Variants in RALGDS observed in about 807,000 individuals in gnomAD.
RALGDS encodes the protein ral guanine nucleotide exchange factor.
In RALGDS, 44 loss-of-function variants were observed where a neutral mutation model predicts 99.8. That is an observed-to-expected ratio of 0.44 (90% CI 0.35 to 0.57). The LOEUF (loss-of-function observed/expected upper bound fraction) is 0.57. Ranked by LOEUF, RALGDS falls within the 20% of genes least tolerant of loss-of-function variation. The probability of loss-of-function intolerance (pLI) is 0.01; values close to 1 mark genes in which losing one functional copy is unlikely to be tolerated. For synonymous variants in RALGDS, 529 were observed against 505.0 expected (o/e 1.05, Z -0.64); for missense variants, 1,022 against 1,203.1 (o/e 0.85, Z 2.23).
upstream of RALGDS, among the ~76,000 whole-genome samples, chr9:133,121,449 T>G (rs1588554336): frequency 1.3e-5 from 2 of 150,048 alleles, no homozygotes; most frequent in East Asian, 2.0e-4. Flanking sequence ...GCCGGGGAGG[T>G]CGAGGGGTGC....
chr9:133,112,011 G>GT (rs1472738105), intron 2 of RALGDS, 31 bp downstream of exon 2: 3 of 1,492,672 alleles, frequency 2.0e-6, no homozygotes, highest in Non-Finnish European at 1.8e-6. Context: ...CCCCAGCTGC[G>GT]TCTCCCAGTG....
At chr9:133,148,899 G>A (rs1832669375) in intron 1 of RALGDS, 1 of 1,570,164 alleles carries the variant, frequency 6.4e-7, no homozygotes, top group Non-Finnish European at 8.6e-7. Flanking sequence ...CCCGGTGGGT[G>A]TGGGCTGGGG....
rs374904252 is a variant in RALGDS, at chr9:133,100,364, C to A, written c.2473G>T (p.Ala825Ser). Residue 825 changes from alanine (A) to serine (S), a missense_variant, in exon 17 of 18, where the codon GCT becomes TCT. Around this residue, in one of 3 missense-constraint regions of RALGDS, gnomAD observed 825 missense variants for 994.5 expected, o/e 0.83. Transcript: ENST00000372050. ...ATGGCCTTGCGGATTACAGCCGGAG[C>A]CTTATCTTGGCTGGTCACCTGCATC... ...KSILVTSQDK[A>S]PAVIRKAMDK... is the part of the protein sequence containing the mutation. 8 of 1,614,066 alleles carry A rather than the reference C, an allele frequency of 5.0e-6. No homozygotes were observed. Among genetic ancestry groups the A allele is most frequent in the Non-Finnish European group, 6.8e-6 (8 of 1,180,036 alleles).
upstream of RALGDS, among the ~76,000 whole-genome samples, chr9:133,124,386 A>G (rs1564248046): frequency 6.6e-6 from 1 of 152,184 alleles, no homozygotes; most frequent in Non-Finnish European, 1.5e-5. Context: ...TCAGAGACAT[A>G]GAGACAGACA....
chr9:133,121,519 C>G (rs544510104), upstream of RALGDS, among the ~76,000 whole-genome samples: 1 of 152,270 alleles, frequency 6.6e-6, no homozygotes, highest in African/African-American at 2.4e-5. Context: ...CTTGGGTACC[C>G]CGGTTAGGCA....
At position 133,098,709 on chromosome 9, in the gene RALGDS, T is replaced by C; in HGVS notation, c.2623A>G (p.Asn875Asp). Residue 875 changes from asparagine (N) to aspartate (D), a missense_variant, in exon 18 of 18, where the codon AAC becomes GAC. By Grantham distance (23) the Asn-to-Asp change is conservative. Around this residue, in one of 3 missense-constraint regions of RALGDS, gnomAD observed 825 missense variants for 994.5 expected, o/e 0.83. Coordinates refer to ENST00000372050, the MANE Select transcript of RALGDS (RefSeq NM_006266.4). The stretch of plus-strand genomic sequence containing the variant: ...CGCTTCTTGAGGACAAAGTCATAGT[T>C]GGCGGTAGAGTTCATGGCATAGAAG... ...NVFYAMNSTANYDFVLKKRTF... is the reference protein window; with the variant it reads ...NVFYAMNSTADYDFVLKKRTF... 6.2e-7 allele frequency: 1 copy of C among 1,614,126 alleles called. No individual in the cohort carries two copies. Among genetic ancestry groups the C allele is most frequent in the African/African-American group, 1.3e-5 (1 of 75,044 alleles).
At chr9:133,113,719 C>A (rs117727545) in intron 1 of RALGDS, among the ~76,000 whole-genome samples, 2,086 of 152,308 alleles carry the variant, frequency 0.014, 19 homozygotes, top group Non-Finnish European at 0.023. Context: ...GGGCCCCCAA[C>A]CACCCGGGCC....
upstream of RALGDS, among the ~76,000 whole-genome samples, chr9:133,132,653 T>G (rs80354332): frequency 5.0e-4 from 76 of 152,086 alleles, no homozygotes; most frequent in African/African-American, 1.8e-3. Flanking sequence ...CTTTTTTTTT[T>G]GTTTGAGACG....
upstream of RALGDS, among the ~76,000 whole-genome samples, chr9:133,125,700 C>T (rs1210725210): frequency 6.6e-6 from 1 of 152,152 alleles, no homozygotes; most frequent in Non-Finnish European, 1.5e-5. Context: ...TGCACCACCG[C>T]ACTCCAGCCT....
At chr9:133,126,159 C>G (rs1319514867), upstream of RALGDS, among the ~76,000 whole-genome samples, 1 of 152,120 alleles carries the variant, frequency 6.6e-6, no homozygotes, top group African/African-American at 2.4e-5. Flanking sequence ...GCATTGATCC[C>G]TTCCTCCCTC....
At position 133,110,468 on chromosome 9, in the gene RALGDS, T is replaced by C. The variant is rs1831287747; in HGVS notation, c.316A>G (p.Asn106Asp). ...WLGYENESAL[N>D]LYETCKVRTV... ...CGCACCTTGCAAGTCTCATAAAGGT[T>C]CAGGGCCGACTCATTCTCATACTGG... The change falls in exon 3 of 18, where the codon AAC (asparagine) becomes GAC (aspartate). Residue 106 changes from asparagine (N) to aspartate (D), a missense_variant. This residue lies in a region of RALGDS where 180 missense variants were observed against 169.3 expected (regional missense o/e 1.06). Coordinates refer to ENST00000372050, the MANE Select transcript of RALGDS (RefSeq NM_006266.4). The C allele has an allele frequency of 5.6e-6, 9 of 1,612,892 alleles. No homozygotes were observed. Among genetic ancestry groups the C allele is most frequent in the Non-Finnish European group, 7.6e-6 (9 of 1,179,704 alleles).
rs552932447 is a variant in RALGDS, at chr9:133,101,091, C to T, written c.2454+429G>A. 4.4e-6 allele frequency: 5 copies of T among 1,124,932 alleles called. No homozygotes were observed. The East Asian group carries it at 3.3e-4, about 74-fold the overall frequency. The allele number at this position is 1,124,932 out of a possible 1,614,324, so 69.7% of individuals were successfully genotyped here. A position where few individuals can be genotyped will look rare whatever the true frequency, so the allele number is the denominator to read the frequency against. On this transcript the variant is annotated intron_variant, in intron 16 of 17. Transcript: ENST00000372050. ...TGTCTAGACTCTGACCCTGCTGGCC[C>T]CTTCCAGGGCTCCCAGCCTGGTTGC...
intron 2 of RALGDS, 74 bp downstream of exon 2, chr9:133,111,968 G>T: frequency 8.9e-7 from 1 of 1,119,246 alleles, no homozygotes. Flanking sequence ...ATCAGAACTG[G>T]GGGCCCTCAA....
intron 1 of RALGDS, among the ~76,000 whole-genome samples, chr9:133,139,821 G>A (rs1021844144): frequency 2.0e-5 from 3 of 152,172 alleles, no homozygotes; most frequent in Non-Finnish European, 1.5e-5. Flanking sequence ...CTGCCCATGC[G>A]GTGCCAGGGG....
At chr9:133,130,433 G>A (rs2119249546) in intron 1 of RALGDS, among the ~76,000 whole-genome samples, 1 of 152,270 alleles carries the variant, frequency 6.6e-6, no homozygotes, top group South Asian at 2.1e-4. Flanking sequence ...CATTTTAACT[G>A]GGCGCAGGGG....
intron 1 of RALGDS, among the ~76,000 whole-genome samples, chr9:133,114,295 C>T (rs911076059): frequency 4.6e-5 from 7 of 152,186 alleles, no homozygotes; most frequent in Non-Finnish European, 7.4e-5. Context: ...GGTCGCTTCC[C>T]GTCACAGCAG....
chr9:133,129,893 A>G (rs1203292061), intron 1 of RALGDS, among the ~76,000 whole-genome samples: 4 of 145,854 alleles, frequency 2.7e-5, no homozygotes, highest in Admixed American at 1.4e-4. Context: ...TCGGCTCACT[A>G]TAACCTCTAC....
At chr9:133,112,815 C>G (rs1211141601) in intron 1 of RALGDS, among the ~76,000 whole-genome samples, 1 of 152,320 alleles carries the variant, frequency 6.6e-6, no homozygotes, top group Admixed American at 6.5e-5. Context: ...CCCCTCTGCT[C>G]ATTCATGCCC....
At chr9:133,106,055 T>C (rs976219365) in intron 8 of RALGDS, 39 bp from the exon 9 acceptor site, 6 of 1,515,224 alleles carry the variant, frequency 4.0e-6, no homozygotes, top group Middle Eastern at 1.7e-4. Flanking sequence ...AAGCTGGGAA[T>C]GGTAGGGAGG....
Sources: gnomAD v4.1 joint callset for allele counts (sites outside exome capture counted in the v4.1 genomes callset) on GRCh38, gnomAD v4.1.1 for gene constraint, gnomAD v4.1.1 regional missense constraint, MANE v1.5 for transcripts, NCBI Gene and HGNC (gene_info 2026-07-23, HGNC 2026-07-21) for gene names.